Variants in ZHX2 observed in about 807,000 individuals in gnomAD.
ZHX2 encodes zinc fingers and homeoboxes 2, also known as zinc fingers and homeoboxes protein 2.
A neutral mutation model predicts 21.9 loss-of-function variants in ZHX2; 6 were observed. The ratio of observed to expected loss-of-function variants is 0.27; its 90% confidence interval spans 0.15 to 0.54. The LOEUF is 0.54. Among genes scored for constraint, ZHX2 ranks in the 20% least tolerant of loss-of-function variants. The probability of loss-of-function intolerance (pLI) is 0.95; values close to 1 mark genes in which losing one functional copy is unlikely to be tolerated. For synonymous variants in ZHX2, 434 were observed against 437.1 expected (o/e 0.99, Z 0.09); for missense variants, 908 against 1,090.7 (o/e 0.83, Z 2.36).
chr8:122,958,467 AG>A (rs1813362007), intron 3 of ZHX2, among the ~76,000 whole-genome samples: 2 of 152,344 alleles, frequency 1.3e-5, no homozygotes, highest in South Asian at 4.1e-4. Flanking sequence ...TACTATTGCT[AG>A]TGAGGGTTCC....
In ZHX2 at chr8:122,941,576, T is replaced by A. The variant is rs1812844588; in HGVS notation, c.-219-9716T>A. Among the ~76,000 whole-genome samples the A allele has an allele frequency of 2.6e-5, 4 of 152,200 alleles. No homozygotes were observed. The South Asian group carries it at 8.3e-4, about 31-fold the overall frequency. ...CGTTTCTACCTCGTCCTCCAAATTG[T>A]CTGTCATTCCCTTTGGGAGTATTAA... is the stretch of plus-strand genomic sequence containing the variant. On this transcript the variant is annotated intron_variant, in intron 2 of 3. Transcript: ENST00000314393.
chr8:122,843,020 C>T (rs558166641), intron 1 of ZHX2, among the ~76,000 whole-genome samples: 3 of 152,300 alleles, frequency 2.0e-5, no homozygotes, highest in African/African-American at 7.2e-5. Flanking sequence ...GAACCATTGC[C>T]CCAGCTCATT....
At chr8:122,877,854 T>C (rs1819607299) in intron 2 of ZHX2, among the ~76,000 whole-genome samples, 3 of 152,206 alleles carry the variant, frequency 2.0e-5, no homozygotes, top group Non-Finnish European at 4.4e-5. Context: ...TCTGGTTTGA[T>C]TGACTCTACA....
intron 3 of ZHX2, among the ~76,000 whole-genome samples, chr8:122,956,237 T>C (rs1054283642): frequency 2.0e-5 from 3 of 152,172 alleles, no homozygotes; most frequent in African/African-American, 7.2e-5. Context: ...TAGGGTTCAG[T>C]TCCATTCAAC....
chr8:122,947,387 G>T (rs1813004763), intron 2 of ZHX2, among the ~76,000 whole-genome samples: 1 of 152,134 alleles, frequency 6.6e-6, no homozygotes, highest in South Asian at 2.1e-4. Context: ...AGCCACAATT[G>T]CTTCTTGAGC....
chr8:122,943,610 G>A (rs865984301), intron 2 of ZHX2, among the ~76,000 whole-genome samples: 2 of 152,162 alleles, frequency 1.3e-5, no homozygotes, highest in Non-Finnish European at 2.9e-5. Context: ...CAAACCCAAC[G>A]GGCGAAAGTT....
chr8:122,956,959 A>G (rs1813318381), intron 3 of ZHX2, among the ~76,000 whole-genome samples: 1 of 152,104 alleles, frequency 6.6e-6, no homozygotes, highest in South Asian at 2.1e-4. Flanking sequence ...CAGTGGCCCA[A>G]AGAAGACAGT....
intron 2 of ZHX2, among the ~76,000 whole-genome samples, chr8:122,941,881 A>G (rs988087446): frequency 6.6e-6 from 1 of 152,210 alleles, no homozygotes; most frequent in Non-Finnish European, 1.5e-5. Flanking sequence ...ACTGAGGTTC[A>G]TGAATTGGTA....
chr8:122,895,302 G>C (rs182609381), intron 2 of ZHX2, among the ~76,000 whole-genome samples: 2 of 152,308 alleles, frequency 1.3e-5, no homozygotes, highest in African/African-American at 4.8e-5. Flanking sequence ...TTTGCCAGTG[G>C]AGAAATGCAC....
intron 2 of ZHX2, among the ~76,000 whole-genome samples, chr8:122,948,489 T>C (rs1237434205): frequency 6.6e-6 from 1 of 152,222 alleles, no homozygotes; most frequent in Non-Finnish European, 1.5e-5. Flanking sequence ...ACAGGTGATA[T>C]TGATTCATGA....
intron 1 of ZHX2, among the ~76,000 whole-genome samples, chr8:122,846,736 G>A (rs896317637): frequency 5.3e-5 from 8 of 151,668 alleles, no homozygotes; most frequent in Non-Finnish European, 1.0e-4. Context: ...TGAAAGTAAT[G>A]GCAAAACTGC....
intron 3 of ZHX2, among the ~76,000 whole-genome samples, chr8:122,966,195 T>C (rs944330460): frequency 2.6e-5 from 4 of 152,228 alleles, no homozygotes; most frequent in Non-Finnish European, 2.9e-5. Flanking sequence ...CACATTCTAG[T>C]TGTTGCATGA....
Position 122,782,951 on chromosome 8 carries a change from T to C in ZHX2, c.-283+1005T>C, listed in dbSNP as rs1310392163. Among the ~76,000 whole-genome samples the C allele has an allele frequency of 6.6e-6, 1 of 152,248 alleles. No homozygotes were observed. Among genetic ancestry groups the C allele is most frequent in the African/African-American group, 2.4e-5 (1 of 41,482 alleles). On this transcript the variant is annotated intron_variant, in intron 1 of 3. Transcript: ENST00000314393. This position sits in a 1 kb window ranked among gnomAD's most constrained non-coding sequence, Gnocchi z 5.3. ...CAAACTTGCCCTTTTCCCAGCCGCTTTGCAGGAGGCTGCGGAGACGAAGAT... is the reference window on the plus strand; with the variant it reads ...CAAACTTGCCCTTTTCCCAGCCGCTCTGCAGGAGGCTGCGGAGACGAAGAT...
At chr8:122,815,451 A>G (rs1818011659) in intron 1 of ZHX2, 2 of 152,622 alleles carry the variant, frequency 1.3e-5, no homozygotes, top group Admixed American at 6.5e-5. Context: ...CAAGAGAACT[A>G]GAATTAGAAG....
chr8:122,868,499 A>G (rs1056826426), intron 2 of ZHX2, among the ~76,000 whole-genome samples: 2 of 151,952 alleles, frequency 1.3e-5, no homozygotes, highest in African/African-American at 4.8e-5. Context: ...TATGCTTTAA[A>G]AAATAGCCAG....
chr8:122,911,043 T>C (rs777650523), intron 2 of ZHX2, among the ~76,000 whole-genome samples: 13 of 152,330 alleles, frequency 8.5e-5, no homozygotes, highest in Admixed American at 5.9e-4. Context: ...GGTGTTGTAA[T>C]ACACCCTGCA....
intron 2 of ZHX2, among the ~76,000 whole-genome samples, chr8:122,890,274 A>T (rs535308689): frequency 6.6e-6 from 1 of 152,066 alleles, no homozygotes; most frequent in Non-Finnish European, 1.5e-5. Context: ...CTATAAATAC[A>T]TGGATTTATT....
intron 2 of ZHX2, among the ~76,000 whole-genome samples, chr8:122,949,862 C>T (rs1489669856): frequency 6.6e-6 from 1 of 152,198 alleles, no homozygotes; most frequent in African/African-American, 2.4e-5. Context: ...TGCCACTGCA[C>T]TGCAACCTGG....
chr8:122,916,476 CT>C (rs1820605975), intron 2 of ZHX2, among the ~76,000 whole-genome samples: 1 of 152,106 alleles, frequency 6.6e-6, no homozygotes, highest in Non-Finnish European at 1.5e-5. Context: ...GCTTCGGTGC[CT>C]TTCTTTTTCT....
Sources: gnomAD v4.1 joint callset for allele counts (sites outside exome capture counted in the v4.1 genomes callset) on GRCh38, gnomAD v4.1.1 for gene constraint, Gnocchi (gnomAD v3.1) non-coding constraint, MANE v1.5 for transcripts, NCBI Gene and HGNC (gene_info 2026-07-23, HGNC 2026-07-21) for gene names.